The following BEND6 variants were observed in gnomAD, a reference collection of about 807,000 sequenced individuals.
The protein encoded by BEND6 is BEN domain containing 6.
In BEND6, 24 loss-of-function variants were observed where a neutral mutation model predicts 31.8. The observed-to-expected ratio is 0.75, with a 90% CI of 0.55 to 1.06. The LOEUF is 1.06. Ranked by LOEUF, BEND6 falls within the 50% of genes least tolerant of loss-of-function variation. The probability of loss-of-function intolerance (pLI) is 0.00; values close to 1 mark genes in which losing one functional copy is unlikely to be tolerated. For synonymous variants in BEND6, 109 were observed against 114.6 expected, an observed-to-expected ratio of 0.95 and a Z score of 0.31; for missense variants, 294 against 327.4, an observed-to-expected ratio of 0.90 and a Z score of 0.79.
At chr6:56,976,566 GGTTT>G (rs572987105) in intron 1 of BEND6, among the ~76,000 whole-genome samples, 57 of 150,304 alleles carry the variant, frequency 3.8e-4, no homozygotes, top group African/African-American at 1.1e-3. Flanking sequence ...AGGACTGTGG[GGTTT>G]GTTTGTTTGT....
At chr6:56,983,348 C>A (rs765900297) in intron 2 of BEND6, among the ~76,000 whole-genome samples, 1 of 152,150 alleles carries the variant, frequency 6.6e-6, no homozygotes, top group Non-Finnish European at 1.5e-5. Context: ...ATCCCAAACA[C>A]AAAACAATTT....
chr6:57,017,946 T>A (rs1419832611), intron 5 of BEND6, among the ~76,000 whole-genome samples: 1 of 152,192 alleles, frequency 6.6e-6, no homozygotes, highest in African/African-American at 2.4e-5. Context: ...ACAACTGCAA[T>A]GAAATTCTTT....
chr6:57,007,366 C>T (rs569467543), intron 3 of BEND6, among the ~76,000 whole-genome samples: 1 of 151,652 alleles, frequency 6.6e-6, no homozygotes, highest in Non-Finnish European at 1.5e-5. Context: ...ACCTCTCGTC[C>T]TATGCAAAAA....
rs35524907 is a variant in BEND6, at chr6:56,972,086, C to CT, written c.-100-9599dup. On this transcript the variant is annotated intron_variant, in intron 1 of 6. Transcript: ENST00000370746. The stretch of plus-strand genomic sequence containing the variant: ...TTTTCTTTTTACTTTACTTTACTTT[C>CT]TTTTTTTTTTTTTTTTTTTTTTTTT... Among the ~76,000 whole-genome samples, 161 of 62,560 alleles carry CT rather than the reference C, an allele frequency of 2.6e-3. 11 individuals carry two copies. The highest frequency in any genetic ancestry group is 3.1e-3 in the Admixed American group (12 of 3,916). The allele number at this position is 62,560 out of a possible 152,430, so 41.0% of individuals were successfully genotyped here. A position where few individuals can be genotyped will look rare whatever the true frequency, so the allele number is the denominator to read the frequency against.
At chr6:57,004,896 C>T in intron 3 of BEND6, 1 of 589,256 alleles carries the variant, frequency 1.7e-6, no homozygotes, top group Non-Finnish European at 3.1e-6. Context: ...GCCAGTAGTC[C>T]CAGCTACTCA....
Position 56,960,176 on chromosome 6 carries a change from A to C in BEND6, c.-101+4716A>C, listed in dbSNP as rs532062716. Among the ~76,000 whole-genome samples, 10 of 152,360 alleles carry C rather than the reference A, an allele frequency of 6.6e-5. No individual in the cohort carries two copies. In the South Asian group the frequency reaches 1.7e-3, roughly 25 times the overall value. On this transcript the variant is annotated intron_variant, in intron 1 of 6. Transcript: ENST00000370746. ...AGTCATTTGGCCAGAAAATTTACTC[A>C]TAGTTGTATGAACTGCCAATGGAAA...
At chr6:56,965,608 G>T (rs557727686) in intron 1 of BEND6, among the ~76,000 whole-genome samples, 1 of 150,742 alleles carries the variant, frequency 6.6e-6, no homozygotes, top group African/African-American at 2.4e-5. Flanking sequence ...GCTGCAGTAA[G>T]CCTTGATAGC....
chr6:56,974,311 A>G (rs1825799849), intron 1 of BEND6, among the ~76,000 whole-genome samples: 1 of 152,230 alleles, frequency 6.6e-6, no homozygotes, highest in Non-Finnish European at 1.5e-5. Flanking sequence ...CCATTTAAAT[A>G]TGATAAATAT....
intron 1 of BEND6, among the ~76,000 whole-genome samples, chr6:56,973,185 A>C (rs759722250): frequency 2.0e-5 from 3 of 152,228 alleles, no homozygotes; most frequent in Non-Finnish European, 4.4e-5. Flanking sequence ...CTCTCCACAC[A>C]TTCTGAATTA....
At chr6:56,997,956 G>A (rs143447725) in intron 3 of BEND6, among the ~76,000 whole-genome samples, 1 of 152,096 alleles carries the variant, frequency 6.6e-6, no homozygotes, top group East Asian at 1.9e-4. Flanking sequence ...CTGCTTTCAC[G>A]GAGCGTGTGT....
At chr6:57,022,935 G>C (rs1474461756) in intron 6 of BEND6, among the ~76,000 whole-genome samples, 2 of 152,060 alleles carry the variant, frequency 1.3e-5, no homozygotes, top group African/African-American at 4.8e-5. Context: ...TGCATTTTCT[G>C]AGACCCTCAG....
chr6:57,001,640 T>TA (rs896493091), intron 3 of BEND6, among the ~76,000 whole-genome samples: 6 of 152,206 alleles, frequency 3.9e-5, no homozygotes, highest in Non-Finnish European at 7.4e-5. Context: ...CCTGAGAAAC[T>TA]AAGCTTCATC....
At chr6:57,007,553 A>G (rs1412988493) in intron 3 of BEND6, among the ~76,000 whole-genome samples, 1 of 152,202 alleles carries the variant, frequency 6.6e-6, no homozygotes, top group Admixed American at 6.5e-5. Context: ...AAAATGGCCA[A>G]GACTAGAGGA....
intron 1 of BEND6, among the ~76,000 whole-genome samples, chr6:56,962,388 G>A (rs545676518): frequency 4.6e-5 from 7 of 152,274 alleles, no homozygotes; most frequent in African/African-American, 1.7e-4. Context: ...TATTGTTACA[G>A]TATGAAGCTG....
intron 1 of BEND6, among the ~76,000 whole-genome samples, chr6:56,960,284 G>C (rs1397290932): frequency 7.9e-6 from 1 of 127,354 alleles, no homozygotes; most frequent in East Asian, 2.8e-4. Context: ...TTATTCCGAT[G>C]GTATAAAATA....
At chr6:56,982,074 A>G in intron 2 of BEND6, 144 bp downstream of exon 2, 2 of 1,079,962 alleles carry the variant, frequency 1.9e-6, no homozygotes, top group Non-Finnish European at 2.5e-6. Flanking sequence ...ATATAATCTT[A>G]TGTTCTTTTT....
intron 3 of BEND6, chr6:57,008,047 G>C: frequency 1.5e-6 from 1 of 649,752 alleles, no homozygotes; most frequent in South Asian, 1.8e-5. Flanking sequence ...TAAGTCTACT[G>C]GTAACTAATT....
intron 1 of BEND6, among the ~76,000 whole-genome samples, chr6:56,977,307 G>GT (rs1825911844): frequency 6.6e-6 from 1 of 152,026 alleles, no homozygotes; most frequent in Admixed American, 6.5e-5. Context: ...CTGCTCAGTT[G>GT]TTTTTTATTT....
At chr6:56,975,431 TAAG>T (rs931400467) in intron 1 of BEND6, among the ~76,000 whole-genome samples, 24 of 152,152 alleles carry the variant, frequency 1.6e-4, no homozygotes, top group African/African-American at 5.8e-4. Flanking sequence ...TCTTTGATAT[TAAG>T]AAGAAATTCT....
Sources: gnomAD v4.1 joint callset for allele counts (sites outside exome capture counted in the v4.1 genomes callset) on GRCh38, gnomAD v4.1.1 for gene constraint, MANE v1.5 for transcripts, NCBI Gene and HGNC (gene_info 2026-07-23, HGNC 2026-07-21) for gene names.